Variants in SANBR observed in about 807,000 individuals in gnomAD.
SANBR encodes the protein SANT and BTB domain regulator of class switch recombination.
Under a neutral mutation model 101.8 loss-of-function variants are expected in SANBR, and 77 were observed. The ratio of observed to expected loss-of-function variants is 0.76; its 90% CI spans 0.63 to 0.91. SANBR has a LOEUF of 0.91. SANBR is among the 40% of genes least tolerant of loss of function. The probability of loss-of-function intolerance (pLI) is 0.00; values close to 1 mark genes in which losing one functional copy is unlikely to be tolerated. For missense variants in SANBR, 875 were observed against 853.0 expected (o/e 1.03, Z -0.32); for synonymous variants, 279 against 274.7 (o/e 1.02, Z -0.15).
At chr2:61,080,827 T>A (rs1682081963) in intron 6 of SANBR, among the ~76,000 whole-genome samples, 1 of 152,212 alleles carries the variant, frequency 6.6e-6, no homozygotes, top group Non-Finnish European at 1.5e-5. Flanking sequence ...AGTCGTTTAT[T>A]TAGAATTGTG....
At chr2:61,127,637 T>G (rs1684552258), downstream of SANBR, among the ~76,000 whole-genome samples, 1 of 152,134 alleles carries the variant, frequency 6.6e-6, no homozygotes, top group South Asian at 2.1e-4. Context: ...TCCTTATATT[T>G]TTCCCACCTT....
In SANBR at chr2:61,122,900, T is replaced by A; in HGVS notation, c.*738T>A. Reference sequence around the variant, plus strand: ...AATTTGGTAAAATAACCATTGATAGTTTTAGGATAGTAAATCATTTCTGTT... The same window carrying A: ...AATTTGGTAAAATAACCATTGATAGATTTAGGATAGTAAATCATTTCTGTT... On this transcript the variant is annotated 3_prime_UTR_variant, in exon 22 of 22. Transcript: ENST00000402291. The A allele has an allele frequency of 1.0e-6, 1 of 985,280 alleles. No individual in the cohort carries two copies. Among genetic ancestry groups the A allele is most frequent in the Non-Finnish European group, 1.2e-6 (1 of 829,710 alleles). 61.0% of individuals were successfully genotyped at this position (985,280 alleles called of 1,614,324 possible).
At chr2:61,119,635 A>G (rs1182551611) in intron 20 of SANBR, among the ~76,000 whole-genome samples, 2 of 152,198 alleles carry the variant, frequency 1.3e-5, no homozygotes, top group East Asian at 3.8e-4. Flanking sequence ...AAGATACAAC[A>G]TCATTAGTCC....
chr2:61,076,626 TAAAA>T (rs1236468990), intron 5 of SANBR, among the ~76,000 whole-genome samples: 1 of 119,018 alleles, frequency 8.4e-6, no homozygotes, highest in Admixed American at 8.7e-5. Flanking sequence ...AGACTCCGTC[TAAAA>T]AAAAAAAAAA....
chr2:61,074,984 G>C (rs966502136), intron 5 of SANBR: 1 of 148,472 alleles, frequency 6.7e-6, no homozygotes, highest in African/African-American at 2.5e-5. Context: ...TTTTTTTAGA[G>C]ACGTGGTCTC....
At chr2:61,091,974 A>G (rs1021025541) in intron 10 of SANBR, among the ~76,000 whole-genome samples, 3 of 152,250 alleles carry the variant, frequency 2.0e-5, no homozygotes, top group African/African-American at 4.8e-5. Context: ...AAATGTTATT[A>G]GTGATATAAA....
At chr2:61,090,167 C>T (rs1172969832) in intron 10 of SANBR, among the ~76,000 whole-genome samples, 1 of 152,184 alleles carries the variant, frequency 6.6e-6, no homozygotes, top group Non-Finnish European at 1.5e-5. Flanking sequence ...TACATAGATA[C>T]ATAAAAGTTG....
chr2:61,121,316 G>T lies in SANBR; in HGVS notation c.2120+40G>T, dbSNP rs753357746. 8.1e-5 allele frequency: 115 copies of T among 1,419,884 alleles called. No homozygotes were observed. In the Admixed American group the frequency reaches 2.3e-3, roughly 29 times the overall value. The allele number at this position is 1,419,884 out of a possible 1,614,324, so 88.0% of individuals were successfully genotyped here. A position where few individuals can be genotyped will look rare whatever the true frequency, so the allele number is the denominator to read the frequency against. On this transcript the variant is annotated intron_variant, in intron 21 of 21. Transcript: ENST00000402291. Reference sequence around the variant, plus strand: ...ACTAAACCAGAGTGTCAGTGGCTTTGAAGTGAATTTTTTTTTTAAGATAAA... The same window carrying T: ...ACTAAACCAGAGTGTCAGTGGCTTTTAAGTGAATTTTTTTTTTAAGATAAA...
chr2:61,099,920 A>T (rs527375846), intron 12 of SANBR, among the ~76,000 whole-genome samples: 1 of 152,288 alleles, frequency 6.6e-6, no homozygotes, highest in Non-Finnish European at 1.5e-5. Flanking sequence ...GTGACAGGGA[A>T]TTCATAGGTG....
intron 10 of SANBR, chr2:61,089,508 AAAAT>A (rs1420106540): frequency 6.6e-6 from 1 of 152,030 alleles, no homozygotes; most frequent in Non-Finnish European, 1.5e-5. Flanking sequence ...CCATCTGAAA[AAAAT>A]AAATAAAATA....
At position 61,122,571 on chromosome 2, in the gene SANBR, C is replaced by A; in HGVS notation, c.*409C>A. The A allele has an allele frequency of 1.0e-6, 1 of 990,092 alleles. No homozygotes were observed. The highest frequency in any genetic ancestry group is 5.2e-4 in the Middle Eastern group (1 of 1,926). The allele number at this position is 990,092 out of a possible 1,614,324, so 61.3% of individuals were successfully genotyped here. On this transcript the variant is annotated 3_prime_UTR_variant, in exon 22 of 22. Transcript: ENST00000402291. ...CACTGATTGTAGTATGTCTTTGGAG[C>A]TGTAAATCTTGAGATAGCATTGAGA...
chr2:61,120,130 T>A (rs1684261826), intron 20 of SANBR, among the ~76,000 whole-genome samples: 1 of 152,230 alleles, frequency 6.6e-6, no homozygotes, highest in Non-Finnish European at 1.5e-5. Flanking sequence ...TTATAATAGC[T>A]TTATTCATAA....
intron 14 of SANBR, among the ~76,000 whole-genome samples, chr2:61,107,242 T>G (rs1683617881): frequency 6.6e-6 from 1 of 152,100 alleles, no homozygotes; most frequent in Non-Finnish European, 1.5e-5. Context: ...ATTTGAGGAA[T>G]GAAGATAGCA....
chr2:61,071,491 A>G, intron 3 of SANBR, 115 bp from the exon 4 acceptor site: 1 of 511,876 alleles, frequency 2.0e-6, no homozygotes, highest in East Asian at 3.7e-5. Context: ...CGGAGGTTGC[A>G]GTGAGCCAAG....
chr2:61,069,664 G>C (rs1280073085), intron 2 of SANBR: 1 of 152,206 alleles, frequency 6.6e-6, no homozygotes, highest in Non-Finnish European at 1.5e-5. Context: ...GCAGTGCCTG[G>C]CACACAGTGA....
intron 16 of SANBR, 79 bp from the exon 17 acceptor site, chr2:61,115,900 G>A (rs1023245214): frequency 3.7e-6 from 3 of 804,478 alleles, no homozygotes; most frequent in Admixed American, 2.6e-5. Flanking sequence ...TTTCTTAATG[G>A]TCTTATTGTT....
chr2:61,074,836 A>G (rs982500354), intron 5 of SANBR: 8 of 152,224 alleles, frequency 5.3e-5, no homozygotes, highest in South Asian at 2.1e-4. Flanking sequence ...CGTTAGTTCA[A>G]TTATTACCTG....
At chr2:61,099,477 C>CCACTGCT in intron 12 of SANBR, among the ~76,000 whole-genome samples, 1 of 152,228 alleles carries the variant, frequency 6.6e-6, no homozygotes, top group East Asian at 1.9e-4. Context: ...CTGGTGGTGC[C>CCACTGCT]ATTCACTGAA....
chr2:61,106,920 T>C (rs1382662910), intron 14 of SANBR, among the ~76,000 whole-genome samples: 1 of 152,034 alleles, frequency 6.6e-6, no homozygotes, highest in Non-Finnish European at 1.5e-5. Flanking sequence ...ATCCCAGCAC[T>C]TTGGGAGGTT....
Sources: allele counts gnomAD v4.1 joint callset (sites outside exome capture counted in the v4.1 genomes callset), GRCh38; gene constraint gnomAD v4.1.1; transcripts MANE v1.5; gene names NCBI Gene and HGNC (gene_info 2026-07-23, HGNC 2026-07-21).